GPHN: variants seen among roughly 807,000 people sequenced by gnomAD.
GPHN encodes gephyrin.
GPHN carries 17 observed loss-of-function variants against 95.5 expected under a neutral mutation model. The observed-to-expected ratio is 0.18, with a 90% confidence interval of 0.12 to 0.27. The LOEUF (loss-of-function observed/expected upper bound fraction) is 0.27, where lower values mean the gene tolerates loss of function less well. Ranked by LOEUF, GPHN falls within the 10% of genes least tolerant of loss-of-function variation. The probability of loss-of-function intolerance (pLI) is 1.00; values close to 1 mark genes in which losing one functional copy is unlikely to be tolerated. For missense variants in GPHN, 660 were observed against 978.1 expected, an observed-to-expected ratio of 0.67 and a Z score of 4.34; for synonymous variants, 320 against 322.5, an observed-to-expected ratio of 0.99 and a Z score of 0.08.
At chr14:67,592,730 TAAATC>T in the GPHN span, 7 of 1,485,284 alleles carry the variant, frequency 4.7e-6, no homozygotes, top group Non-Finnish European at 5.6e-6. Context: ...TGTAAGAAAA[TAAATC>T]AAATAGCAAA....
At chr14:66,583,784 T>G (rs1197320452) in intron 1 of GPHN, among the ~76,000 whole-genome samples, 2 of 152,160 alleles carry the variant, frequency 1.3e-5, no homozygotes, top group African/African-American at 4.8e-5. Flanking sequence ...TTTTGGTTAC[T>G]GTGTCCTTGT....
the GPHN span, among the ~76,000 whole-genome samples, chr14:67,388,678 G>A: frequency 6.6e-6 from 1 of 152,080 alleles, no homozygotes; most frequent in East Asian, 1.9e-4. Flanking sequence ...TATATTTATA[G>A]TAATCATTTC....
the GPHN span, among the ~76,000 whole-genome samples, chr14:67,326,660 A>G: frequency 6.6e-6 from 1 of 152,002 alleles, no homozygotes; most frequent in Non-Finnish European, 1.5e-5. Flanking sequence ...GCAACCACTA[A>G]TCTGCTTTCT....
At chr14:67,350,808 T>G in the GPHN span, 1 of 974,216 alleles carries the variant, frequency 1.0e-6, no homozygotes. Context: ...ATGTAAATAT[T>G]GGTTTGATAA....
chr14:67,729,891 G>C, the GPHN span: 1 of 446,162 alleles, frequency 2.2e-6, no homozygotes, highest in South Asian at 1.6e-5. Flanking sequence ...TAGAGTCTGG[G>C]AGTAAAGGGA....
intron 1 of GPHN, among the ~76,000 whole-genome samples, chr14:66,665,791 A>T (rs1294727748): frequency 6.6e-6 from 1 of 152,220 alleles, no homozygotes; most frequent in East Asian, 1.9e-4. Context: ...CTATAAAGAC[A>T]CATGGCACAC....
chr14:66,697,188 T>C (rs1040339924), intron 2 of GPHN, among the ~76,000 whole-genome samples: 13 of 152,206 alleles, frequency 8.5e-5, no homozygotes, highest in African/African-American at 3.1e-4. Context: ...ATTTTATAGT[T>C]AATCTACTTA....
At chr14:67,167,261 T>C (rs981126059) in intron 20 of GPHN, among the ~76,000 whole-genome samples, 2 of 152,232 alleles carry the variant, frequency 1.3e-5, no homozygotes, top group Admixed American at 6.5e-5. Context: ...AGCAAGACCC[T>C]GCCTCTAAAA....
chr14:67,383,326 C>T, the GPHN span: 2 of 1,613,134 alleles, frequency 1.2e-6, no homozygotes, highest in Non-Finnish European at 1.7e-6. Context: ...CCAAAGTGGT[C>T]ACAGATACAG....
intron 4 of GPHN, among the ~76,000 whole-genome samples, 200 bp downstream of exon 4, chr14:66,824,766 T>G (rs2061332029): frequency 6.6e-6 from 1 of 152,134 alleles, no homozygotes; most frequent in Admixed American, 6.5e-5. Context: ...AAACTAGAAG[T>G]GATAGAATAT....
the GPHN span, among the ~76,000 whole-genome samples, chr14:67,651,943 G>A: frequency 1.3e-5 from 2 of 152,168 alleles, no homozygotes; most frequent in Non-Finnish European, 2.9e-5. Flanking sequence ...TATAAAGGTA[G>A]TATAGGAGCT....
At chr14:66,688,396 C>A (rs1243799461) in intron 2 of GPHN, among the ~76,000 whole-genome samples, 2 of 152,214 alleles carry the variant, frequency 1.3e-5, no homozygotes, top group South Asian at 4.2e-4. Context: ...TGTAAGTAGA[C>A]CCATGCAGTT....
At chr14:67,359,219 T>C in the GPHN span, among the ~76,000 whole-genome samples, 2 of 152,200 alleles carry the variant, frequency 1.3e-5, no homozygotes, top group Admixed American at 1.3e-4. Context: ...ACCTCTTCTA[T>C]ATCCTCAGTA....
intron 1 of GPHN, among the ~76,000 whole-genome samples, chr14:66,568,095 G>A (rs1003969759): frequency 6.6e-6 from 1 of 152,120 alleles, no homozygotes; most frequent in Non-Finnish European, 1.5e-5. Flanking sequence ...TAAAAAATAG[G>A]AAGTACTTTT....
intron 3 of GPHN, among the ~76,000 whole-genome samples, chr14:66,786,867 G>A (rs1302688516): frequency 6.6e-6 from 1 of 151,970 alleles, no homozygotes; most frequent in Non-Finnish European, 1.5e-5. Flanking sequence ...GACTAGATGG[G>A]ACCTTAACTT....
In GPHN at chr14:66,745,872, C is replaced by G. The variant is rs527612363; in HGVS notation, c.144-30592C>G. Among the ~76,000 whole-genome samples, 2 of 152,100 alleles carry G rather than the reference C, an allele frequency of 1.3e-5. 1 individual carries two copies. The highest frequency in any genetic ancestry group is 6.8e-3 in the Middle Eastern group (2 of 294). ...CTTTCTTAATAGTCACATCATCACT[C>G]TACCCTGCCTATCACAGATCTGTTT... On this transcript the variant is annotated intron_variant, in intron 2 of 22. Coordinates refer to ENST00000478722, the MANE Select transcript of GPHN (RefSeq NM_020806.5).
chr14:67,325,325 G>T, the GPHN span, among the ~76,000 whole-genome samples: 2 of 152,078 alleles, frequency 1.3e-5, no homozygotes, highest in African/African-American at 2.4e-5. Flanking sequence ...GTGAGGTTAA[G>T]AAATGATATA....
intron 1 of GPHN, among the ~76,000 whole-genome samples, chr14:66,617,181 G>A (rs1394095637): frequency 3.3e-5 from 5 of 152,208 alleles, no homozygotes; most frequent in East Asian, 1.9e-4. Context: ...AGGGGCTCAG[G>A]CCCCTACCCC....
intron 5 of GPHN, among the ~76,000 whole-genome samples, chr14:66,894,713 T>G (rs949526797): frequency 1.4e-4 from 21 of 152,166 alleles, no homozygotes; most frequent in African/African-American, 4.8e-4. Context: ...GAACAGACAC[T>G]TCTCAAAAGA....
Sources: allele counts gnomAD v4.1 joint callset (sites outside exome capture counted in the v4.1 genomes callset), GRCh38; gene constraint gnomAD v4.1.1; transcripts MANE v1.5; gene names NCBI Gene and HGNC (gene_info 2026-07-23, HGNC 2026-07-21).